The following NR3C1 variants were observed in gnomAD, a reference collection of about 807,000 sequenced individuals.
The protein encoded by NR3C1 is nuclear receptor subfamily 3 group C member 1, also known as glucocorticoid receptor.
A neutral mutation model predicts 74.0 loss-of-function variants in NR3C1; 14 were observed. The ratio of observed to expected loss-of-function variants is 0.19; its 90% CI spans 0.12 to 0.30. The LOEUF (loss-of-function observed/expected upper bound fraction) is 0.30, where lower values mean the gene tolerates loss of function less well. Ranked by LOEUF, NR3C1 falls within the 10% of genes least tolerant of loss-of-function variation. The pLI is 1.00. For synonymous variants in NR3C1, 308 were observed against 332.5 expected, an observed-to-expected ratio of 0.93 and a Z score of 0.80; for missense variants, 695 against 909.8, an observed-to-expected ratio of 0.76 and a Z score of 3.04.
intron 2 of NR3C1, 98 bp downstream of exon 2, chr5:143,399,558 T>C: frequency 1.0e-6 from 1 of 989,902 alleles, no homozygotes; most frequent in Non-Finnish European, 1.6e-6. Context: ...AAAAAGCACA[T>C]GAATCTTTAG....
chr5:143,295,479 G>A lies in NR3C1; in HGVS notation c.2004C>T (p.Thr668=), dbSNP rs766994385. Residue 668 remains threonine (T), a synonymous_variant, in exon 7 of 9, where the codon ACC becomes ACT. Transcript: ENST00000394464. ...VSYEEYLCMK[T]LLLLSSVPKD... ...ACCAACCTGAAGAGAGAAGCAGTAA[G>A]GTTTTCATACAGAGATACTCTTCAT... 3.1e-6 allele frequency: 5 copies of A among 1,612,858 alleles called. No individual in the cohort carries two copies. The South Asian group carries it at 4.4e-5, about 14-fold the overall frequency.
chr5:143,307,423 T>C (rs1476032064), intron 4 of NR3C1, among the ~76,000 whole-genome samples: 2 of 152,196 alleles, frequency 1.3e-5, no homozygotes, highest in Non-Finnish European at 2.9e-5. Context: ...CATTACTTTG[T>C]AGTTGATATA....
At chr5:143,296,638 C>T (rs999630180) in intron 6 of NR3C1, among the ~76,000 whole-genome samples, 1 of 151,414 alleles carries the variant, frequency 6.6e-6, no homozygotes, top group Non-Finnish European at 1.5e-5. Context: ...TTTTTTTTTC[C>T]CCCACAACGT....
At position 143,397,241 on chromosome 5, in the gene NR3C1, C is replaced by CT. The variant is rs917801548; in HGVS notation, c.1184+2414dup. Among the ~76,000 whole-genome samples the CT allele has an allele frequency of 3.3e-5, 5 of 151,600 alleles. No individual in the cohort carries two copies. In the South Asian group the frequency reaches 8.3e-4, roughly 25 times the overall value. ...TAAAAAGTCAAATTGCAATTTATAA[C>CT]TTTTTTTAATTTAAAAGGAATTCAA... On this transcript the variant is annotated intron_variant, in intron 2 of 8. Coordinates refer to ENST00000394464, the MANE Select transcript of NR3C1 (RefSeq NM_000176.3).
At chr5:143,352,513 T>A (rs1444790080) in intron 2 of NR3C1, among the ~76,000 whole-genome samples, 4 of 152,180 alleles carry the variant, frequency 2.6e-5, no homozygotes, top group South Asian at 2.1e-4. Flanking sequence ...ACGTTTTTTT[T>A]ATATGCTGGG....
chr5:143,279,441 A>G lies in NR3C1; in HGVS notation c.*2448T>C. Reference sequence around the variant, plus strand: ...AAAGGAATGATAATCTACGTTTTAGAAGCTCTTTTTGAAACTTAACACTGT... The same window carrying G: ...AAAGGAATGATAATCTACGTTTTAGGAGCTCTTTTTGAAACTTAACACTGT... On this transcript the variant is annotated 3_prime_UTR_variant, in exon 9 of 9. Transcript: ENST00000394464. 6.7e-7 allele frequency: 1 copy of G among 1,498,040 alleles called. No individual in the cohort carries two copies. The allele number at this position is 1,498,040 out of a possible 1,614,324, so 92.8% of individuals were successfully genotyped here. A position where few individuals can be genotyped will look rare whatever the true frequency, so the allele number is the denominator to read the frequency against.
At chr5:143,426,713 C>T (rs939989095) in intron 1 of NR3C1, among the ~76,000 whole-genome samples, 7 of 152,156 alleles carry the variant, frequency 4.6e-5, no homozygotes, top group African/African-American at 1.2e-4. Flanking sequence ...TAAAACGTTA[C>T]GGTACAAAAA....
At chr5:143,433,462 A>ATAATTTATTTATTTAAAT (rs1751959693) in intron 1 of NR3C1, among the ~76,000 whole-genome samples, 7 of 146,500 alleles carry the variant, frequency 4.8e-5, no homozygotes, top group Non-Finnish European at 7.5e-5. Context: ...TTATATATAT[A>ATAATTTATTTATTTAAAT]TATATATATT....
Position 143,281,051 on chromosome 5 carries a change from C to CAGTT in NR3C1, c.*834_*837dup, listed in dbSNP as rs886060053. 2 of 151,606 alleles carry CAGTT rather than the reference C, an allele frequency of 1.3e-5. No individual in the cohort carries two copies. Among genetic ancestry groups the CAGTT allele is most frequent in the Non-Finnish European group, 2.9e-5 (2 of 67,958 alleles). 9.4% of individuals were successfully genotyped at this position (151,606 alleles called of 1,614,324 possible). ...GGTCACTGGACTAGGTGCTCTATAC[C>CAGTT]AGTTAGGACTGTTAATTTGCACAAC... On this transcript the variant is annotated 3_prime_UTR_variant, in exon 9 of 9. Coordinates refer to ENST00000394464, the MANE Select transcript of NR3C1 (RefSeq NM_000176.3).
Position 143,348,401 on chromosome 5 carries a change from TG to T in NR3C1, c.1185-34234del, listed in dbSNP as rs1302565496. Among the ~76,000 whole-genome samples, 3 of 152,192 alleles carry T rather than the reference TG, an allele frequency of 2.0e-5. 1 individual carries two copies. The highest frequency in any genetic ancestry group is 7.2e-5 in the African/African-American group (3 of 41,448). On this transcript the variant is annotated intron_variant, in intron 2 of 8. Coordinates refer to ENST00000394464, the MANE Select transcript of NR3C1 (RefSeq NM_000176.3). ...GTTTACACATTTGCTACATTTTATT[TG>T]TAACCCCCAAATCCACACTTGCTTT...
At chr5:143,284,459 T>A (rs180905726) in intron 7 of NR3C1, among the ~76,000 whole-genome samples, 7 of 127,018 alleles carry the variant, frequency 5.5e-5, no homozygotes, top group Admixed American at 5.4e-4. Flanking sequence ...TAACAATGGG[T>A]TAATTTTACA....
rs868013495 is a variant in NR3C1 at position 143,281,485 on chromosome 5, G to C, written c.*404C>G. 2 of 230,638 alleles carry C rather than the reference G, an allele frequency of 8.7e-6. No individual in the cohort carries two copies. Among genetic ancestry groups the C allele is most frequent in the African/African-American group, 4.7e-5 (2 of 42,696 alleles). 14.3% of individuals were successfully genotyped at this position (230,638 alleles called of 1,614,324 possible). A position where few individuals can be genotyped will look rare whatever the true frequency, so the allele number is the denominator to read the frequency against. ...AATGCTATCCTAACTATACAGGGGG[G>C]GGATACACCAACAGAAAGTCTAGAA... On this transcript the variant is annotated 3_prime_UTR_variant, in exon 9 of 9. Coordinates refer to ENST00000394464, the MANE Select transcript of NR3C1 (RefSeq NM_000176.3).
At chr5:143,377,785 G>C (rs755162792) in intron 2 of NR3C1, among the ~76,000 whole-genome samples, 1 of 152,184 alleles carries the variant, frequency 6.6e-6, no homozygotes, top group Non-Finnish European at 1.5e-5. Context: ...CCAAGTAACT[G>C]TCTTTCCCAA....
intron 7 of NR3C1, among the ~76,000 whole-genome samples, chr5:143,288,090 G>C (rs968651349): frequency 2.0e-5 from 3 of 151,810 alleles, no homozygotes; most frequent in Admixed American, 6.6e-5. Context: ...TCCAAAGCTG[G>C]AATTCCTATT....
Position 143,295,384 on chromosome 5 carries a change from G to A in NR3C1, c.2023+76C>T. ...GACTTGGTATAATTATTAGTACTAT[G>A]TATATAAATTAACCTTTGTTTCTAG... On this transcript the variant is annotated intron_variant, in intron 7 of 8. Transcript: ENST00000394464. The A allele has an allele frequency of 8.9e-6, 14 of 1,580,292 alleles. No individual in the cohort carries two copies. In the South Asian group the frequency reaches 1.2e-4, roughly 14 times the overall value.
At chr5:143,345,258 G>A (rs900829484) in intron 2 of NR3C1, among the ~76,000 whole-genome samples, 16 of 152,240 alleles carry the variant, frequency 1.1e-4, no homozygotes, top group East Asian at 7.7e-4. Context: ...TCACCAGGCC[G>A]GAGTGCAGGG....
chr5:143,404,090 C>T, upstream of NR3C1: 1 of 985,478 alleles, frequency 1.0e-6, no homozygotes, highest in Non-Finnish European at 1.2e-6. Flanking sequence ...CAGACCCACT[C>T]GGGAGCTCGC....
chr5:143,413,746 T>C (rs1275863099), intron 1 of NR3C1, among the ~76,000 whole-genome samples: 1 of 152,136 alleles, frequency 6.6e-6, no homozygotes, highest in Non-Finnish European at 1.5e-5. Flanking sequence ...GACCAATAAC[T>C]ATGACCAAGG....
intron 7 of NR3C1, among the ~76,000 whole-genome samples, chr5:143,287,279 T>C (rs1370005995): frequency 6.6e-6 from 1 of 152,040 alleles, no homozygotes; most frequent in African/African-American, 2.4e-5. Context: ...ACAAAATTGA[T>C]AAATTTTTAA....
Sources: allele counts gnomAD v4.1 joint callset (sites outside exome capture counted in the v4.1 genomes callset), GRCh38; gene constraint gnomAD v4.1.1; transcripts MANE v1.5; gene names NCBI Gene and HGNC (gene_info 2026-07-23, HGNC 2026-07-21).